JAK1: variants seen among roughly 807,000 people sequenced by gnomAD.
JAK1 encodes the protein Janus kinase 1, also known as tyrosine-protein kinase JAK1.
JAK1 carries 16 observed loss-of-function variants against 136.6 expected under a neutral mutation model. That is an observed-to-expected ratio of 0.12 (90% confidence interval 0.08 to 0.18). JAK1 has a LOEUF of 0.18. JAK1 is among the 10% of genes least tolerant of loss of function. JAK1 has a pLI of 1.00. For missense variants in JAK1, 859 were observed against 1,450.1 expected (o/e 0.59, Z 6.62); for synonymous variants, 492 against 519.5 (o/e 0.95, Z 0.72).
intron 1 of JAK1, among the ~76,000 whole-genome samples, chr1:64,927,851 G>A (rs912358049): frequency 6.6e-6 from 1 of 152,174 alleles, no homozygotes; most frequent in Non-Finnish European, 1.5e-5. Context: ...TACAGCATAT[G>A]GTTGGGCAGG....
Position 64,884,900 on chromosome 1 carries a change from T to C in JAK1, c.6+1359A>G, listed in dbSNP as rs766762280. On this transcript the variant is annotated intron_variant, in intron 2 of 24. Coordinates refer to ENST00000342505, the MANE Select transcript of JAK1 (RefSeq NM_002227.4). The stretch of plus-strand genomic sequence containing the variant: ...ATAAGAACTGAGTCATTTTTCTCTA[T>C]ATCCGTAAGAAGCACAGAGGCTTAC... Among the ~76,000 whole-genome samples, 73 of 152,160 alleles carry C rather than the reference T, an allele frequency of 4.8e-4. 2 individuals are homozygous for C. The highest frequency in any genetic ancestry group is 1.3e-4 in the Non-Finnish European group (9 of 68,034).
In JAK1 at chr1:64,865,004, G is replaced by A. The variant is rs368862859; in HGVS notation, c.991-32C>T. Reference sequence around the variant, plus strand: ...AGATACATAAAAGGGACAGGGTTAAGTTGCTTTCTTCATTTTCTATTGGTA... The same window carrying A: ...AGATACATAAAAGGGACAGGGTTAAATTGCTTTCTTCATTTTCTATTGGTA... On this transcript the variant is annotated intron_variant, in intron 7 of 24. Transcript: ENST00000342505. The A allele has an allele frequency of 5.1e-6, 8 of 1,553,464 alleles. No individual in the cohort carries two copies. In the African/African-American group the frequency reaches 9.6e-5, roughly 19 times the overall value.
At chr1:64,927,501 G>A (rs1009441054) in intron 1 of JAK1, among the ~76,000 whole-genome samples, 5 of 152,198 alleles carry the variant, frequency 3.3e-5, no homozygotes, top group African/African-American at 1.2e-4. Flanking sequence ...ACAATCAACA[G>A]AAAAGACAAA....
At chr1:64,839,503 A>G (rs1354130427) in intron 20 of JAK1, 100 bp downstream of exon 20, 1 of 953,256 alleles carries the variant, frequency 1.0e-6, no homozygotes, top group Non-Finnish European at 1.6e-6. Context: ...AGCATGTCAG[A>G]CGCCCAGGTA....
At chr1:64,886,738 C>T (rs974164132) in intron 1 of JAK1, among the ~76,000 whole-genome samples, 4 of 146,064 alleles carry the variant, frequency 2.7e-5, no homozygotes, top group Middle Eastern at 3.5e-3. Context: ...AATTACCCCG[C>T]CCCAACCTTG....
In JAK1 at chr1:64,850,680, G is replaced by A. The variant is rs536842918; in HGVS notation, c.1755+124C>T. Reference sequence around the variant, plus strand: ...GTACGGCTTTTGCCATCAAAGGAAAGTCTCCCTGTTCTTTTTCTACTAAGA... The same window carrying A: ...GTACGGCTTTTGCCATCAAAGGAAAATCTCCCTGTTCTTTTTCTACTAAGA... On this transcript the variant is annotated intron_variant, in intron 12 of 24. Transcript: ENST00000342505. 29 of 679,990 alleles carry A rather than the reference G, an allele frequency of 4.3e-5. No individual in the cohort carries two copies. The South Asian group carries it at 4.9e-4, about 11-fold the overall frequency. 42.1% of individuals were successfully genotyped at this position (679,990 alleles called of 1,614,324 possible).
chr1:65,058,977 C>G (rs972018538), intron 1 of JAK1, among the ~76,000 whole-genome samples: 9 of 152,004 alleles, frequency 5.9e-5, no homozygotes, highest in African/African-American at 1.2e-4. Context: ...TGCTCATAAC[C>G]AAACATGACA....
At chr1:64,897,189 G>A (rs1240000623) in intron 1 of JAK1, among the ~76,000 whole-genome samples, 2 of 151,824 alleles carry the variant, frequency 1.3e-5, no homozygotes, top group African/African-American at 4.8e-5. Flanking sequence ...CAGCCCTTTG[G>A]AAGGCCGAGG....
At chr1:64,906,890 T>C (rs954992188) in intron 1 of JAK1, among the ~76,000 whole-genome samples, 2 of 152,080 alleles carry the variant, frequency 1.3e-5, no homozygotes, top group African/African-American at 4.8e-5. Context: ...TGTATACTAC[T>C]ACCTTTCATG....
chr1:64,972,153 T>C (rs1646457903), intron 2 of JAK1: 1 of 152,154 alleles, frequency 6.6e-6, no homozygotes, highest in Non-Finnish European at 1.5e-5. Context: ...ACAGATAATA[T>C]TCCCCCTACC....
chr1:65,015,959 C>G (rs1214330094), intron 2 of JAK1, among the ~76,000 whole-genome samples: 2 of 152,084 alleles, frequency 1.3e-5, no homozygotes, highest in African/African-American at 4.8e-5. Flanking sequence ...ATGTACCAAC[C>G]AGATGTATGA....
chr1:64,887,681 G>C (rs1644871852), intron 1 of JAK1, among the ~76,000 whole-genome samples: 1 of 152,330 alleles, frequency 6.6e-6, no homozygotes, highest in African/African-American at 2.4e-5. Flanking sequence ...ACATAAAATA[G>C]AGGGAATGTG....
intron 1 of JAK1, among the ~76,000 whole-genome samples, chr1:65,064,879 A>G (rs972226420): frequency 6.6e-6 from 1 of 152,188 alleles, no homozygotes; most frequent in Admixed American, 6.5e-5. Flanking sequence ...TTGACGTACA[A>G]AAACTTATGA....
intron 1 of JAK1, among the ~76,000 whole-genome samples, chr1:64,947,236 A>AT (rs1175703800): frequency 2.0e-5 from 3 of 151,418 alleles, no homozygotes; most frequent in Admixed American, 2.0e-4. Context: ...CTTAAAAAAA[A>AT]TTTTTTAACT....
At chr1:65,007,936 G>C (rs1320902123) in intron 2 of JAK1, among the ~76,000 whole-genome samples, 2 of 151,188 alleles carry the variant, frequency 1.3e-5, no homozygotes, top group Non-Finnish European at 2.9e-5. Flanking sequence ...AGTAGAGACA[G>C]GTTTTACCAT....
At chr1:64,931,108 T>C (rs1017342195) in intron 1 of JAK1, among the ~76,000 whole-genome samples, 1 of 152,086 alleles carries the variant, frequency 6.6e-6, no homozygotes, top group African/African-American at 2.4e-5. Flanking sequence ...GTAACAAACC[T>C]GCACGTTCTG....
chr1:64,969,790 C>T (rs372217987), upstream of JAK1, among the ~76,000 whole-genome samples: 29 of 152,096 alleles, frequency 1.9e-4, 5 homozygotes, highest in Admixed American at 3.3e-4. Context: ...TGGATGCCAC[C>T]GACTAAACAG....
intron 1 of JAK1, among the ~76,000 whole-genome samples, chr1:64,929,661 A>G (rs1645653307): frequency 6.6e-6 from 1 of 152,220 alleles, no homozygotes. Context: ...AAATCCATTT[A>G]TTTAGGGTAA....
At position 64,850,650 on chromosome 1, in the gene JAK1, T is replaced by C. The variant is rs372600798; in HGVS notation, c.1755+154A>G. ...GCAAGGGTGAAGAGGATGGAGGCAA[T>C]GGTTGTACGGCTTTTGCCATCAAAG... On this transcript the variant is annotated intron_variant, in intron 12 of 24. Transcript: ENST00000342505. 1.4e-3 allele frequency among the ~76,000 whole-genome samples: 214 copies of C among 152,322 alleles called. 6 individuals are homozygous for C. The South Asian group carries it at 0.043, about 31-fold the overall frequency.
Sources: gnomAD v4.1 joint callset for allele counts (sites outside exome capture counted in the v4.1 genomes callset) on GRCh38, gnomAD v4.1.1 for gene constraint, MANE v1.5 for transcripts, NCBI Gene and HGNC (gene_info 2026-07-23, HGNC 2026-07-21) for gene names.